Variants in UNC5C observed in about 807,000 individuals in gnomAD.
UNC5C encodes the protein unc-5 netrin receptor C.
UNC5C carries 47 observed loss-of-function variants against 99.8 expected under a neutral mutation model. That is an observed-to-expected ratio of 0.47 (90% CI 0.37 to 0.60). The LOEUF (loss-of-function observed/expected upper bound fraction) is 0.60, where lower values mean the gene tolerates loss of function less well. Ranked by LOEUF, UNC5C falls within the 20% of genes least tolerant of loss-of-function variation. UNC5C has a pLI of 0.00. For synonymous variants in UNC5C, 487 were observed against 452.2 expected, an observed-to-expected ratio of 1.08 and a Z score of -0.98; for missense variants, 1,062 against 1,165.9, an observed-to-expected ratio of 0.91 and a Z score of 1.30.
At position 95,458,939 on chromosome 4, in the gene UNC5C, T is replaced by C. The variant is rs189586323; in HGVS notation, c.124+89795A>G. On this transcript the variant is annotated intron_variant, in intron 1 of 15. Transcript: ENST00000453304. ...CCTTAACATATAAATAAATGAAGTA[T>C]AGAATTATAATTTATTGGTGATTGC... is the stretch of plus-strand genomic sequence containing the variant. 1.8e-3 allele frequency among the ~76,000 whole-genome samples: 280 copies of C among 152,190 alleles called. 1 individual carries two copies. The highest frequency in any genetic ancestry group is 6.2e-3 in the African/African-American group (258 of 41,548).
At chr4:95,452,208 C>A in intron 1 of UNC5C, among the ~76,000 whole-genome samples, 1 of 152,144 alleles carries the variant, frequency 6.6e-6, no homozygotes, top group Non-Finnish European at 1.5e-5. Context: ...TATGGTGTAA[C>A]AATTTATTTG....
intron 5 of UNC5C, among the ~76,000 whole-genome samples, chr4:95,245,919 T>G (rs1739487716): frequency 1.3e-5 from 2 of 152,214 alleles, no homozygotes; most frequent in Admixed American, 1.3e-4. Flanking sequence ...ATTAAACAAT[T>G]TCTAACAAAA....
At position 95,245,052 on chromosome 4, in the gene UNC5C, G is replaced by C; in HGVS notation, c.868C>G (p.Pro290Ala). 1 of 1,614,084 alleles carries C rather than the reference G, an allele frequency of 6.2e-7. No individual in the cohort carries two copies. Among genetic ancestry groups the C allele is most frequent in the Non-Finnish European group, 8.5e-7 (1 of 1,180,012 alleles). ...AAGGCACCCCCATTGAGTGGTGCCGGGTTGGTACAAGTCCTTGTACGTTTC... is the reference window on the plus strand; with the variant it reads ...AAGGCACCCCCATTGAGTGGTGCCGCGTTGGTACAAGTCCTTGTACGTTTC... Reference protein sequence around the residue: ...YQKRTRTCTNPAPLNGGAFCE... With the variant: ...YQKRTRTCTNAAPLNGGAFCE... The change falls in exon 6 of 16, where the codon CCG becomes GCG. Residue 290 changes from proline to alanine, a missense_variant. Around this residue, in one of 3 missense-constraint regions of UNC5C, gnomAD observed 810 missense variants for 854.5 expected, o/e 0.95. Transcript: ENST00000453304.
chr4:95,485,714 G>A lies in UNC5C; in HGVS notation c.124+63020C>T, dbSNP rs75666626. Among the ~76,000 whole-genome samples the A allele has an allele frequency of 9.8e-4, 149 of 151,816 alleles. 1 individual carries two copies. In the East Asian group the frequency reaches 0.022, roughly 22 times the overall value. On this transcript the variant is annotated intron_variant, in intron 1 of 15. Transcript: ENST00000453304. Reference sequence around the variant, plus strand: ...CTTAAAGGTGAAAAGAGAAAGATAAGTTGTTTTGATCAAAGTTTGTCATTT... The same window carrying A: ...CTTAAAGGTGAAAAGAGAAAGATAAATTGTTTTGATCAAAGTTTGTCATTT...
intron 3 of UNC5C, among the ~76,000 whole-genome samples, chr4:95,294,046 T>C (rs535813462): frequency 1.6e-4 from 24 of 152,292 alleles, no homozygotes; most frequent in Non-Finnish European, 2.8e-4. Flanking sequence ...AAAACCAGTA[T>C]GACAAAAAGA....
chr4:95,172,030 A>G (rs886205144), intron 14 of UNC5C, among the ~76,000 whole-genome samples: 7 of 146,662 alleles, frequency 4.8e-5, no homozygotes, highest in Admixed American at 6.8e-5. Flanking sequence ...GGCTGCATAA[A>G]TGTCTTCTTT....
At chr4:95,473,843 GT>G (rs1205954126) in intron 1 of UNC5C, among the ~76,000 whole-genome samples, 1 of 152,150 alleles carries the variant, frequency 6.6e-6, no homozygotes, top group Non-Finnish European at 1.5e-5. Flanking sequence ...GACCAGCACA[GT>G]TTCAGAAGGA....
rs200183450 is a variant in UNC5C at position 95,322,954 on chromosome 4, G to A, written c.346+12456C>T. Reference sequence around the variant, plus strand: ...TTCTGTCTCAAAAAAAAAAAAAAAAGAAAAGAAAAAGCCGAAGGTCAAATA... The same window carrying A: ...TTCTGTCTCAAAAAAAAAAAAAAAAAAAAAGAAAAAGCCGAAGGTCAAATA... On this transcript the variant is annotated intron_variant, in intron 2 of 15. Transcript: ENST00000453304. 4.7e-3 allele frequency among the ~76,000 whole-genome samples: 671 copies of A among 141,846 alleles called. 4 individuals are homozygous for A. The highest frequency in any genetic ancestry group is 0.016 in the African/African-American group (596 of 38,190). The allele number at this position is 141,846 out of a possible 152,430, so 93.1% of individuals were successfully genotyped here. A position where few individuals can be genotyped will look rare whatever the true frequency, so the allele number is the denominator to read the frequency against.
intron 1 of UNC5C, among the ~76,000 whole-genome samples, chr4:95,536,589 T>C (rs949783534): frequency 1.3e-5 from 2 of 152,244 alleles, no homozygotes; most frequent in Admixed American, 6.5e-5. Flanking sequence ...TTCATAGATG[T>C]GTGTAAATTT....
intron 2 of UNC5C, among the ~76,000 whole-genome samples, chr4:95,330,637 G>A (rs1480882448): frequency 1.3e-5 from 2 of 151,636 alleles, no homozygotes; most frequent in Non-Finnish European, 2.9e-5. Flanking sequence ...CTTTTAAAAT[G>A]CATACATTTT....
intron 1 of UNC5C, among the ~76,000 whole-genome samples, chr4:95,542,632 A>C (rs758778829): frequency 2.6e-5 from 4 of 152,202 alleles, no homozygotes; most frequent in Non-Finnish European, 5.9e-5. Context: ...CAATGCTCAA[A>C]ACAAAAAACC....
At position 95,220,264 on chromosome 4, in the gene UNC5C, TA is replaced by T. The variant is rs1738423453; in HGVS notation, c.1109-89del. On this transcript the variant is annotated intron_variant, in intron 7 of 15. Transcript: ENST00000453304. ...TATTGCTATAATTTTTTCAGACATTTACTGCCTTTTTTATAGGTTAATTTCA... is the reference window on the plus strand; with the variant it reads ...TATTGCTATAATTTTTTCAGACATTTCTGCCTTTTTTATAGGTTAATTTCA... The T allele has an allele frequency of 3.3e-6, 4 of 1,208,412 alleles. No homozygotes were observed. In the South Asian group the frequency reaches 7.7e-5, roughly 23 times the overall value. The allele number at this position is 1,208,412 out of a possible 1,614,324, so 74.9% of individuals were successfully genotyped here. A position where few individuals can be genotyped will look rare whatever the true frequency, so the allele number is the denominator to read the frequency against.
chr4:95,433,856 A>C lies in UNC5C; in HGVS notation c.125-98225T>G, dbSNP rs193217987. ...CCAGCCCAGCATGCCTACCCAGCTC[A>C]CTCATCTTCAGCCTTCTCTCTTTTT... is the stretch of plus-strand genomic sequence containing the variant. On this transcript the variant is annotated intron_variant, in intron 1 of 15. Transcript: ENST00000453304. 2.9e-3 allele frequency among the ~76,000 whole-genome samples: 442 copies of C among 151,878 alleles called. 3 individuals are homozygous for C. The highest frequency in any genetic ancestry group is 0.01 in the African/African-American group (430 of 41,428).
intron 1 of UNC5C, among the ~76,000 whole-genome samples, chr4:95,381,485 C>A (rs1745070521): frequency 6.6e-6 from 1 of 152,100 alleles, no homozygotes; most frequent in African/African-American, 2.4e-5. Context: ...CCTTTTCTAG[C>A]TTTATTACCA....
At chr4:95,203,085 A>AGAGT in intron 11 of UNC5C, 121 bp from the exon 12 acceptor site, 1 of 789,734 alleles carries the variant, frequency 1.3e-6, no homozygotes, top group Non-Finnish European at 2.1e-6. Flanking sequence ...TTTCTCTCTC[A>AGAGT]GAGTTTATAA....
chr4:95,541,803 T>A (rs1722928297), intron 1 of UNC5C, among the ~76,000 whole-genome samples: 1 of 152,132 alleles, frequency 6.6e-6, no homozygotes, highest in South Asian at 2.1e-4. Context: ...ACATATAAGG[T>A]GGTTCTTCTG....
chr4:95,388,506 G>T (rs1433741137), intron 1 of UNC5C, among the ~76,000 whole-genome samples: 1 of 152,118 alleles, frequency 6.6e-6, no homozygotes, highest in Non-Finnish European at 1.5e-5. Flanking sequence ...GAGGCCACTG[G>T]TATGCCACTC....
At chr4:95,271,422 G>A (rs1249396433) in intron 4 of UNC5C, among the ~76,000 whole-genome samples, 1 of 152,008 alleles carries the variant, frequency 6.6e-6, no homozygotes, top group South Asian at 2.1e-4. Flanking sequence ...GTAGAGACGG[G>A]GTTTCACTGT....
At chr4:95,312,749 C>G (rs776758793) in intron 2 of UNC5C, among the ~76,000 whole-genome samples, 1 of 152,128 alleles carries the variant, frequency 6.6e-6, no homozygotes, top group Admixed American at 6.6e-5. Context: ...TCAATACACC[C>G]TCCTCTACAA....
Sources: allele counts gnomAD v4.1 joint callset (sites outside exome capture counted in the v4.1 genomes callset), GRCh38; gene constraint gnomAD v4.1.1; regional missense constraint gnomAD v4.1.1; transcripts MANE v1.5; gene names NCBI Gene and HGNC (gene_info 2026-07-23, HGNC 2026-07-21).